Variants in MNT observed in about 807,000 individuals in gnomAD.
MNT encodes MAX network transcriptional repressor, also known as max-binding protein MNT.
In MNT, 13 loss-of-function variants were observed where a neutral mutation model predicts 40.7. The observed-to-expected ratio is 0.32, with a 90% CI of 0.21 to 0.51. MNT has a LOEUF of 0.51. MNT is among the 20% of genes least tolerant of loss of function. The pLI is 0.98. For synonymous variants in MNT, 426 were observed against 354.8 expected (o/e 1.20, Z -2.26); for missense variants, 757 against 792.0 (o/e 0.96, Z 0.53).
Position 2,395,204 on chromosome 17 carries a change from G to A in MNT, c.324C>T (p.Pro108=), listed in dbSNP as rs747816884. The change falls in exon 2 of 6, where the codon CCC becomes CCT. Residue 108 remains proline (P), a synonymous_variant. Transcript: ENST00000174618. ...CCAGGGGCAGAGGCTGGGCTGCCGC[G>A]GGCAAGGGTGGGGGTGGGGGTAGAG... The part of the protein sequence containing the change: ...PQPLPPPPPL[P]AAAQPLPLAP... The A allele has an allele frequency of 6.8e-6, 10 of 1,466,366 alleles. No individual in the cohort carries two copies. The highest frequency in any genetic ancestry group is 2.5e-5 in the Admixed American group (1 of 39,812). 90.8% of individuals were successfully genotyped at this position (1,466,366 alleles called of 1,614,324 possible). A position where few individuals can be genotyped will look rare whatever the true frequency, so the allele number is the denominator to read the frequency against.
rs764033932 is a variant in MNT at position 2,387,409 on chromosome 17, G to A, written c.1241C>T (p.Pro414Leu). 1.1e-5 allele frequency: 17 copies of A among 1,611,750 alleles called. No individual in the cohort carries two copies. In the Admixed American group the frequency reaches 1.5e-4, roughly 14 times the overall value. ...TGTCTGGGCAGGGGCAGCCGGTGGG[G>A]GAGGAGGGGCTGGCAGAGGGGTCTT... The part of the protein sequence containing the change: ...QQKTPLPAPP[P>L]PPAAPAQTLV... The change falls in exon 6 of 6, where the codon CCC (proline) becomes CTC (leucine). Residue 414 changes from proline to leucine, a missense_variant. Coordinates refer to ENST00000174618, the MANE Select transcript of MNT (RefSeq NM_020310.3).
intron 1 of MNT, among the ~76,000 whole-genome samples, chr17:2,397,848 T>C (rs2066588015): frequency 6.6e-6 from 1 of 152,208 alleles, no homozygotes; most frequent in Admixed American, 6.5e-5. Context: ...TTTAAAAGAA[T>C]GTTCTGCACA....
At chr17:2,393,971 G>A in intron 4 of MNT, 72 bp downstream of exon 4, 2 of 1,081,526 alleles carry the variant, frequency 1.8e-6, no homozygotes, top group Non-Finnish European at 2.5e-6. Flanking sequence ...GGCGGGGCGG[G>A]GCGCGGCCGG....
Position 2,387,727 on chromosome 17 carries a change from C to T in MNT, c.1001-78G>A, listed in dbSNP as rs1342428840. 8.9e-6 allele frequency: 14 copies of T among 1,574,048 alleles called. No individual in the cohort carries two copies. The East Asian group carries it at 9.0e-5, about 10-fold the overall frequency. ...CTGGAGGCGTAGATGCTCGTGGGGG[C>T]GTGGGAATGTGATGGGGCTGGGGCC... On this transcript the variant is annotated intron_variant, in intron 5 of 5. Coordinates refer to ENST00000174618, the MANE Select transcript of MNT (RefSeq NM_020310.3).
intron 4 of MNT, among the ~76,000 whole-genome samples, chr17:2,393,057 C>G (rs1424155756): frequency 1.3e-5 from 2 of 152,118 alleles, no homozygotes; most frequent in African/African-American, 2.4e-5. Flanking sequence ...CTCCTCGCCA[C>G]CCCTCCCACG....
chr17:2,388,427 T>G, intron 4 of MNT: 3 of 202,042 alleles, frequency 1.5e-5, no homozygotes, highest in Non-Finnish European at 3.0e-5. Context: ...GATCCTGCGC[T>G]TCCACCTCAC....
chr17:2,398,170 G>A (rs1023817702), intron 1 of MNT, among the ~76,000 whole-genome samples: 1 of 152,198 alleles, frequency 6.6e-6, no homozygotes, highest in African/African-American at 2.4e-5. Context: ...GAGTTGGTCA[G>A]GAGCCTCTGG....
intron 4 of MNT, among the ~76,000 whole-genome samples, chr17:2,392,329 C>G (rs992703379): frequency 2.6e-5 from 4 of 152,196 alleles, no homozygotes; most frequent in Admixed American, 2.6e-4. Context: ...TCTGCACAGC[C>G]TGAGTGAGGC....
rs1555610473 is a variant in MNT at position 2,384,597 on chromosome 17, C to CGCGTGTGT, written c.*2303_*2304insACACACGC. 1.4e-5 allele frequency: 2 copies of CGCGTGTGT among 145,662 alleles called. No individual in the cohort carries two copies. Among genetic ancestry groups the CGCGTGTGT allele is most frequent in the Non-Finnish European group, 3.0e-5 (2 of 66,230 alleles). 9.0% of individuals were successfully genotyped at this position (145,662 alleles called of 1,614,324 possible). A position where few individuals can be genotyped will look rare whatever the true frequency, so the allele number is the denominator to read the frequency against. On this transcript the variant is annotated 3_prime_UTR_variant, in exon 6 of 6. Coordinates refer to ENST00000174618, the MANE Select transcript of MNT (RefSeq NM_020310.3). ...GAGGTAAGATGTGTGCGTGTGCGTG[C>CGCGTGTGT]GTGTGTGTGTGTGTGTGTGTGTGTG...
At chr17:2,396,014 A>G (rs1222631940) in intron 1 of MNT, among the ~76,000 whole-genome samples, 1 of 152,246 alleles carries the variant, frequency 6.6e-6, no homozygotes, top group African/African-American at 2.4e-5. Context: ...AGTGAAGCTC[A>G]GGGAGCAAAG....
At chr17:2,394,221 C>G (rs1477200156) in intron 3 of MNT, 67 bp from the exon 4 acceptor site, 45 of 1,581,312 alleles carry the variant, frequency 2.8e-5, no homozygotes, top group Non-Finnish European at 3.7e-5. Flanking sequence ...GAGGCAGGAC[C>G]GGGGAAGCTG....
In MNT at chr17:2,387,413, G is replaced by A. The variant is rs1477338624; in HGVS notation, c.1237C>T (p.Pro413Ser). ...TGGGCAGGGGCAGCCGGTGGGGGAG[G>A]AGGGGCTGGCAGAGGGGTCTTCTGC... ...PQQKTPLPAP[P>S]PPPAAPAQTL... The change falls in exon 6 of 6, where the codon CCT (proline) becomes TCT (serine). Residue 413 changes from proline to serine, a missense_variant. By Grantham distance (74) the Pro-to-Ser change is moderately conservative (BLOSUM62 -1). This residue lies in a region of MNT where 345 missense variants were observed against 380.1 expected (regional missense o/e 0.91). Coordinates refer to ENST00000174618, the MANE Select transcript of MNT (RefSeq NM_020310.3). The A allele has an allele frequency of 6.2e-7, 1 of 1,611,950 alleles. No individual in the cohort carries two copies. Among genetic ancestry groups the A allele is most frequent in the African/African-American group, 1.3e-5 (1 of 75,020 alleles).
chr17:2,395,724 G>A (rs1197093007), intron 1 of MNT, among the ~76,000 whole-genome samples: 6 of 152,174 alleles, frequency 3.9e-5, no homozygotes, highest in South Asian at 2.1e-4. Context: ...TCCGGGCTGC[G>A]GGCAGGACAG....
At chr17:2,393,619 C>T (rs967395349) in intron 4 of MNT, 1 of 152,584 alleles carries the variant, frequency 6.6e-6, no homozygotes, top group Non-Finnish European at 1.5e-5. Context: ...ACCCTCCCCG[C>T]AGATAGCTAC....
chr17:2,400,758 C>G lies in MNT; in HGVS notation c.-46G>C, dbSNP rs749068178. ...GCGCGCCGGGGCCGAGGCTGCGGCC[C>G]GCGAGCCGGGCACAGGTCAGGCTGG... On this transcript the variant is annotated 5_prime_UTR_variant, in exon 1 of 6. Transcript: ENST00000174618. 6.7e-7 allele frequency: 1 copy of G among 1,483,966 alleles called. No individual in the cohort carries two copies. The highest frequency in any genetic ancestry group is 2.8e-5 in the East Asian group (1 of 35,214). 91.9% of individuals were successfully genotyped at this position (1,483,966 alleles called of 1,614,324 possible). A position where few individuals can be genotyped will look rare whatever the true frequency, so the allele number is the denominator to read the frequency against.
chr17:2,390,791 G>A (rs1311612950), intron 4 of MNT: 1 of 152,216 alleles, frequency 6.6e-6, no homozygotes, highest in Non-Finnish European at 1.5e-5. Flanking sequence ...AGTGACAGAT[G>A]TCTCTAACCA....
At chr17:2,397,540 C>A (rs1046233538) in intron 1 of MNT, among the ~76,000 whole-genome samples, 5 of 152,174 alleles carry the variant, frequency 3.3e-5, no homozygotes, top group Non-Finnish European at 7.4e-5. Flanking sequence ...CCCCATTCCC[C>A]ATATTTTAAA....
At chr17:2,400,315 C>T (rs2066605954) in intron 1 of MNT, 1 of 287,946 alleles carries the variant, frequency 3.5e-6, no homozygotes, top group Admixed American at 5.8e-5. Context: ...CACCCCACCC[C>T]CCGGCTCACA....
At chr17:2,398,188 A>G (rs2066589910) in intron 1 of MNT, among the ~76,000 whole-genome samples, 1 of 152,250 alleles carries the variant, frequency 6.6e-6, no homozygotes, top group East Asian at 1.9e-4. Flanking sequence ...TGGACACTCC[A>G]ACCAACTCCC....
Sources: allele counts gnomAD v4.1 joint callset (sites outside exome capture counted in the v4.1 genomes callset), GRCh38; gene constraint gnomAD v4.1.1; regional missense constraint gnomAD v4.1.1; transcripts MANE v1.5; gene names NCBI Gene and HGNC (gene_info 2026-07-23, HGNC 2026-07-21).